Variants in COMMD1 observed in about 807,000 individuals in gnomAD.
The protein encoded by COMMD1 is COMM domain-containing protein 1.
In COMMD1, 10 loss-of-function variants were observed where a neutral mutation model predicts 17.2. That is an observed-to-expected ratio of 0.58 (90% CI 0.36 to 0.99). The LOEUF (loss-of-function observed/expected upper bound fraction) is 0.99. Ranked by LOEUF, COMMD1 falls within the 50% of genes least tolerant of loss-of-function variation. The pLI is 0.01. For synonymous variants in COMMD1, 97 were observed against 91.6 expected (o/e 1.06, Z -0.34); for missense variants, 270 against 231.8 (o/e 1.17, Z -1.07).
At chr2:62,024,445 G>A (rs1558567087) in intron 2 of COMMD1, among the ~76,000 whole-genome samples, 1 of 152,154 alleles carries the variant, frequency 6.6e-6, no homozygotes, top group Non-Finnish European at 1.5e-5. Context: ...ATTATACTCT[G>A]TAGAGTAGTA....
intron 1 of COMMD1, among the ~76,000 whole-genome samples, chr2:61,972,581 G>A (rs954902372): frequency 2.6e-5 from 4 of 152,180 alleles, no homozygotes; most frequent in African/African-American, 9.7e-5. Flanking sequence ...AAGCCATGTT[G>A]ATAGCACATA....
At chr2:61,992,706 G>A (rs1042365183) in intron 1 of COMMD1, among the ~76,000 whole-genome samples, 4 of 152,152 alleles carry the variant, frequency 2.6e-5, no homozygotes, top group Non-Finnish European at 5.9e-5. Flanking sequence ...CAATCACTGT[G>A]AAACCAAATG....
chr2:61,898,694 A>T (rs1163291100), intron 1 of COMMD1, among the ~76,000 whole-genome samples: 1 of 152,086 alleles, frequency 6.6e-6, no homozygotes, highest in Non-Finnish European at 1.5e-5. Context: ...CTTGCCTGGG[A>T]CCAGTTGCTT....
chr2:62,117,000 A>G lies in COMMD1; in HGVS notation c.463-18831A>G, dbSNP rs1672627498. 2.6e-5 allele frequency among the ~76,000 whole-genome samples: 4 copies of G among 151,198 alleles called. No individual in the cohort carries two copies. In the South Asian group the frequency reaches 8.3e-4, roughly 31 times the overall value. On this transcript the variant is annotated intron_variant, in intron 2 of 2. Transcript: ENST00000311832. ...ACAAGAGCGAAAACTTCGTCTCAAA[A>G]AAAAAAAAAAAAAAATGACAAAGAT...
At chr2:61,932,886 C>T (rs542564987) in intron 1 of COMMD1, among the ~76,000 whole-genome samples, 1 of 152,186 alleles carries the variant, frequency 6.6e-6, no homozygotes, top group Non-Finnish European at 1.5e-5. Context: ...TCTTTCAGCT[C>T]TCCTGTCCAG....
At chr2:61,912,970 C>A (rs1055169779) in intron 1 of COMMD1, among the ~76,000 whole-genome samples, 1 of 152,332 alleles carries the variant, frequency 6.6e-6, no homozygotes, top group Middle Eastern at 3.4e-3. Flanking sequence ...GAGAAGATTG[C>A]TTGAGCCCAA....
At chr2:61,911,031 C>T (rs1218859350) in intron 1 of COMMD1, among the ~76,000 whole-genome samples, 1 of 151,454 alleles carries the variant, frequency 6.6e-6, no homozygotes, top group African/African-American at 2.4e-5. Context: ...CGTGGTGAGC[C>T]GAGATCGCGC....
intron 2 of COMMD1, among the ~76,000 whole-genome samples, chr2:62,009,580 G>A (rs1457317467): frequency 6.7e-6 from 1 of 150,060 alleles, no homozygotes; most frequent in Non-Finnish European, 1.5e-5. Context: ...CTCCAGCCTG[G>A]GCAACAGAGT....
chr2:62,096,064 A>G (rs975779443), intron 2 of COMMD1, among the ~76,000 whole-genome samples: 4 of 151,910 alleles, frequency 2.6e-5, no homozygotes, highest in Non-Finnish European at 5.9e-5. Flanking sequence ...GTATCACAAT[A>G]TATGGAAAAG....
chr2:62,002,000 G>A (rs1023336198), intron 2 of COMMD1, among the ~76,000 whole-genome samples: 5 of 151,450 alleles, frequency 3.3e-5, no homozygotes, highest in Non-Finnish European at 5.9e-5. Flanking sequence ...CAGAAACCCC[G>A]CCTCTGCTAA....
At chr2:62,018,856 G>C (rs1445502996) in intron 2 of COMMD1, among the ~76,000 whole-genome samples, 1 of 152,186 alleles carries the variant, frequency 6.6e-6, no homozygotes, top group Non-Finnish European at 1.5e-5. Context: ...TGTAGGCTGG[G>C]AGTCCAAGAT....
At chr2:61,976,880 G>A (rs1234927349) in intron 1 of COMMD1, among the ~76,000 whole-genome samples, 1 of 151,846 alleles carries the variant, frequency 6.6e-6, no homozygotes, top group Non-Finnish European at 1.5e-5. Flanking sequence ...CCAGGCTGGG[G>A]TACAGTGGTG....
At chr2:62,105,767 G>A (rs1287469836) in intron 2 of COMMD1, among the ~76,000 whole-genome samples, 1 of 152,070 alleles carries the variant, frequency 6.6e-6, no homozygotes, top group African/African-American at 2.4e-5. Context: ...AGGTTGCATT[G>A]AGTCAAGATT....
intron 1 of COMMD1, among the ~76,000 whole-genome samples, chr2:61,960,063 AG>A (rs1652874807): frequency 6.6e-6 from 1 of 152,138 alleles, no homozygotes; most frequent in Non-Finnish European, 1.5e-5. Flanking sequence ...GGGCTTGTCT[AG>A]TTTTGTCCAG....
At chr2:62,097,273 T>G (rs1050643996) in intron 2 of COMMD1, among the ~76,000 whole-genome samples, 2 of 152,224 alleles carry the variant, frequency 1.3e-5, no homozygotes, top group Non-Finnish European at 2.9e-5. Flanking sequence ...GTCCTTTGTC[T>G]AAATCGTCCT....
At chr2:62,075,859 T>C (rs905333061) in intron 2 of COMMD1, among the ~76,000 whole-genome samples, 1 of 152,260 alleles carries the variant, frequency 6.6e-6, no homozygotes, top group Non-Finnish European at 1.5e-5. Flanking sequence ...ATGAACCATA[T>C]GTTGTCACAT....
chr2:62,090,592 T>C (rs1671799105), intron 2 of COMMD1: 1 of 152,236 alleles, frequency 6.6e-6, no homozygotes. Flanking sequence ...TATTGCACCA[T>C]ATACTGGTAT....
chr2:62,127,075 A>G (rs1183688295), intron 2 of COMMD1, among the ~76,000 whole-genome samples: 2 of 152,202 alleles, frequency 1.3e-5, no homozygotes, highest in Non-Finnish European at 1.5e-5. Flanking sequence ...ATTCCTGTAC[A>G]CCAACAACAG....
Position 61,909,357 on chromosome 2 carries a change from G to T in COMMD1, c.180+3499G>T, listed in dbSNP as rs974300547. Among the ~76,000 whole-genome samples the T allele has an allele frequency of 1.7e-4, 26 of 152,308 alleles. 1 individual carries two copies. The highest frequency in any genetic ancestry group is 1.7e-3 in the Admixed American group (26 of 15,290). ...ATAGAATTGTGAGTAAGCACCTGAA[G>T]ATAGATTAAGAGATATCAGTTCTTT... On this transcript the variant is annotated intron_variant, in intron 1 of 2. Coordinates refer to ENST00000311832, the MANE Select transcript of COMMD1 (RefSeq NM_152516.4).
Sources: gnomAD v4.1 joint callset for allele counts (sites outside exome capture counted in the v4.1 genomes callset) on GRCh38, gnomAD v4.1.1 for gene constraint, MANE v1.5 for transcripts, NCBI Gene and HGNC (gene_info 2026-07-23, HGNC 2026-07-21) for gene names.